The following ADGRL3 variants were observed in gnomAD, a reference collection of about 807,000 sequenced individuals.
ADGRL3 encodes the protein adhesion G protein-coupled receptor L3.
In ADGRL3, 62 loss-of-function variants were observed where a neutral mutation model predicts 153.5. The observed-to-expected ratio is 0.40, with a 90% confidence interval of 0.33 to 0.50. The LOEUF (loss-of-function observed/expected upper bound fraction) is 0.50. Among genes scored for constraint, ADGRL3 ranks in the 20% least tolerant of loss-of-function variants. The probability of loss-of-function intolerance (pLI) is 0.47; values close to 1 mark genes in which losing one functional copy is unlikely to be tolerated. For synonymous variants in ADGRL3, 710 were observed against 672.5 expected (o/e 1.06, Z -0.86); for missense variants, 1,641 against 1,859.4 (o/e 0.88, Z 2.16).
Position 61,238,867 on chromosome 4 carries a change from TA to T in ADGRL3, c.-240+37110del, listed in dbSNP as rs539611747. On this transcript the variant is annotated intron_variant, in intron 1 of 26. Coordinates refer to ENST00000683033, the MANE Select transcript of ADGRL3 (RefSeq NM_001387552.1). ...ACACATTCCTGTATATGGCCTACAT[TA>T]AAAAAAACTTATTTTAGCTGATTTA... Among the ~76,000 whole-genome samples, 29 of 152,122 alleles carry T rather than the reference TA, an allele frequency of 1.9e-4. No homozygotes were observed. In the South Asian group the frequency reaches 3.3e-3, roughly 17 times the overall value.
At chr4:61,832,658 A>G (rs1454608380) in intron 9 of ADGRL3, among the ~76,000 whole-genome samples, 1 of 152,086 alleles carries the variant, frequency 6.6e-6, no homozygotes. Flanking sequence ...TTATCATCTG[A>G]TATGTATTTT....
chr4:61,949,158 G>A (rs2098937267), intron 17 of ADGRL3, among the ~76,000 whole-genome samples: 1 of 152,116 alleles, frequency 6.6e-6, no homozygotes, highest in Admixed American at 6.5e-5. Context: ...GATACTTCAT[G>A]GCCAGAGATG....
At chr4:61,977,468 A>G (rs1218095665) in intron 17 of ADGRL3, among the ~76,000 whole-genome samples, 1 of 152,182 alleles carries the variant, frequency 6.6e-6, no homozygotes, top group African/African-American at 2.4e-5. Context: ...CTGCTTTGGT[A>G]GCATCCCCCG....
At chr4:61,632,138 A>G (rs1386544612) in intron 5 of ADGRL3, among the ~76,000 whole-genome samples, 2 of 152,104 alleles carry the variant, frequency 1.3e-5, no homozygotes, top group Admixed American at 1.3e-4. Flanking sequence ...CTTCATTTTT[A>G]TTTGCCTATG....
intron 21 of ADGRL3, among the ~76,000 whole-genome samples, chr4:62,001,587 G>A (rs948714956): frequency 1.5e-4 from 23 of 152,002 alleles, no homozygotes; most frequent in African/African-American, 5.6e-4. Context: ...GAAATCAGCA[G>A]GGCATAATTG....
intron 6 of ADGRL3, among the ~76,000 whole-genome samples, chr4:61,681,937 A>C (rs1215230798): frequency 6.6e-6 from 1 of 151,992 alleles, no homozygotes; most frequent in Non-Finnish European, 1.5e-5. Context: ...CTTCATATAT[A>C]CAGTAGACAT....
intron 9 of ADGRL3, 109 bp downstream of exon 9, chr4:61,813,998 G>A: frequency 1.8e-5 from 25 of 1,396,690 alleles, no homozygotes; most frequent in South Asian, 5.7e-5. Flanking sequence ...AAAAAGCAGG[G>A]GTAAAATGAA....
At chr4:61,801,805 C>A (rs1333675513) in intron 8 of ADGRL3, among the ~76,000 whole-genome samples, 1 of 152,126 alleles carries the variant, frequency 6.6e-6, no homozygotes, top group Non-Finnish European at 1.5e-5. Flanking sequence ...CAAGACACAA[C>A]AGTACCTCAA....
intron 2 of ADGRL3, among the ~76,000 whole-genome samples, chr4:61,496,622 A>C (rs2098320719): frequency 1.3e-5 from 2 of 150,180 alleles, no homozygotes; most frequent in Admixed American, 6.6e-5. Context: ...AGCCTGGGCA[A>C]AAACAGCGAA....
chr4:61,828,650 C>T (rs371618747), intron 9 of ADGRL3, among the ~76,000 whole-genome samples: 2 of 152,158 alleles, frequency 1.3e-5, no homozygotes, highest in East Asian at 3.9e-4. Flanking sequence ...TGCATATGAA[C>T]TAGTGCTCTA....
intron 6 of ADGRL3, among the ~76,000 whole-genome samples, chr4:61,686,471 C>G (rs2095445616): frequency 6.6e-6 from 1 of 152,028 alleles, no homozygotes; most frequent in African/African-American, 2.4e-5. Context: ...TTAGAAAGCA[C>G]TTCATCATTC....
At chr4:61,672,684 G>A (rs969673945) in intron 5 of ADGRL3, among the ~76,000 whole-genome samples, 1 of 151,988 alleles carries the variant, frequency 6.6e-6, no homozygotes, top group Non-Finnish European at 1.5e-5. Context: ...AAGTGTTGAT[G>A]ACAATGTAGA....
intron 9 of ADGRL3, among the ~76,000 whole-genome samples, chr4:61,856,600 CTCTCTTTTTTTTT>C (rs1373564610): frequency 4.3e-5 from 1 of 23,456 alleles, no homozygotes; most frequent in African/African-American, 9.9e-5. Flanking sequence ...CTCTCTCTCT[CTCTCTTTTTTTTT>C]TTTTTTTTTT....
intron 1 of ADGRL3, among the ~76,000 whole-genome samples, chr4:61,376,799 T>A (rs373407981): frequency 6.6e-6 from 1 of 152,194 alleles, no homozygotes; most frequent in South Asian, 2.1e-4. Context: ...CATAGGACAA[T>A]GGCTACATAG....
At chr4:61,381,293 TTGTG>T (rs55767359) in intron 1 of ADGRL3, among the ~76,000 whole-genome samples, 2,848 of 141,436 alleles carry the variant, frequency 0.02, 84 homozygotes, top group African/African-American at 0.067. Flanking sequence ...ATAAACAAGT[TTGTG>T]TGTGTGTGTG....
In ADGRL3 at chr4:62,010,529, G is replaced by A. The variant is rs552246656; in HGVS notation, c.3395+12264G>A. ...TTAAAAATATCTCACCCTACATTAT[G>A]TCTGGAAATATATTTGTGAAAGAAC... On this transcript the variant is annotated intron_variant, in intron 21 of 26. Coordinates refer to ENST00000683033, the MANE Select transcript of ADGRL3 (RefSeq NM_001387552.1). Among the ~76,000 whole-genome samples, 10 of 152,156 alleles carry A rather than the reference G, an allele frequency of 6.6e-5. No homozygotes were observed. The South Asian group carries it at 2.1e-3, about 32-fold the overall frequency.
chr4:61,738,719 A>G (rs57313433), intron 8 of ADGRL3, among the ~76,000 whole-genome samples: 13,197 of 152,220 alleles, frequency 0.087, 1,209 homozygotes, highest in African/African-American at 0.23. Context: ...TTGTTGAGCT[A>G]CCCAATTGTA....
In ADGRL3 at chr4:61,305,279, T is replaced by C. The variant is rs566709262; in HGVS notation, c.-239-77845T>C. The stretch of plus-strand genomic sequence containing the variant: ...TTGGAAGAATGAATTTCAGTCTAGA[T>C]TGAGGCTTCTCAGTAGCAACACACA... On this transcript the variant is annotated intron_variant, in intron 1 of 26. Coordinates refer to ENST00000683033, the MANE Select transcript of ADGRL3 (RefSeq NM_001387552.1). Among the ~76,000 whole-genome samples the C allele has an allele frequency of 6.6e-5, 10 of 152,292 alleles. No individual in the cohort carries two copies. In the East Asian group the frequency reaches 1.9e-3, roughly 30 times the overall value.
chr4:61,226,235 AGGG>A (rs918095596), intron 1 of ADGRL3, among the ~76,000 whole-genome samples: 1 of 152,114 alleles, frequency 6.6e-6, no homozygotes, highest in Non-Finnish European at 1.5e-5. Context: ...TAGCATTATG[AGGG>A]GGTGTCTTAG....
Sources: gnomAD v4.1 joint callset for allele counts (sites outside exome capture counted in the v4.1 genomes callset) on GRCh38, gnomAD v4.1.1 for gene constraint, MANE v1.5 for transcripts, NCBI Gene and HGNC (gene_info 2026-07-23, HGNC 2026-07-21) for gene names.